Variants in CPEB2 observed in about 807,000 individuals in gnomAD.
CPEB2 encodes the protein cytoplasmic polyadenylation element binding protein 2.
A neutral mutation model predicts 93.6 loss-of-function variants in CPEB2; 56 were observed. That is an observed-to-expected ratio of 0.60 (90% CI 0.48 to 0.75). The LOEUF (loss-of-function observed/expected upper bound fraction) is 0.75. Ranked by LOEUF, CPEB2 falls within the 30% of genes least tolerant of loss-of-function variation. The pLI is 0.00. For synonymous variants in CPEB2, 764 were observed against 586.3 expected, an observed-to-expected ratio of 1.30 and a Z score of -4.38; for missense variants, 1,579 against 1,395.1, an observed-to-expected ratio of 1.13 and a Z score of -2.10.
At chr4:15,059,347 T>A (rs1266349456) in intron 10 of CPEB2, 46 bp downstream of exon 10, 2 of 1,204,370 alleles carry the variant, frequency 1.7e-6, no homozygotes. Context: ...CATTTAAATA[T>A]GTCCTAGTCA....
At position 15,003,154 on chromosome 4, in the gene CPEB2, T is replaced by TC. The variant is rs746753686; in HGVS notation, c.483dup (p.Ser162LeufsTer7). 6.5e-7 allele frequency: 1 copy of TC among 1,531,434 alleles called. No individual in the cohort carries two copies. The highest frequency in any genetic ancestry group is 1.2e-5 in the South Asian group (1 of 83,866). The allele number at this position is 1,531,434 out of a possible 1,614,324, so 94.9% of individuals were successfully genotyped here. ...CTCCTCCTGCTGCTGCTGCCGCACC[T>TC]CCTCCCCGCAGGACTTCAGTAAGCG... On this transcript the variant is annotated frameshift_variant, in exon 1 of 12. Coordinates refer to ENST00000538197, the MANE Select transcript of CPEB2 (RefSeq NM_001177382.2). LOFTEE classifies it high-confidence loss of function.
intron 4 of CPEB2, among the ~76,000 whole-genome samples, chr4:15,026,498 A>AT (rs1577401692): frequency 6.6e-6 from 1 of 152,182 alleles, no homozygotes; most frequent in East Asian, 1.9e-4. Context: ...AATGCTTGGG[A>AT]TTACAGGCCT....
chr4:15,003,467 CT>C lies in CPEB2; in HGVS notation c.795del (p.Ser267ArgfsTer41). ...PADLPPLPQL[P>X]PSPPAAPRRR... is the part of the protein sequence containing the mutation. Reference sequence around the variant, plus strand: ...GACCTGCCCCCGCTCCCGCAGCTCCCTCCCTCGCCGCCTGCAGCCCCGCGGC... The same window carrying C: ...GACCTGCCCCCGCTCCCGCAGCTCCCCCCTCGCCGCCTGCAGCCCCGCGGC... On this transcript the variant is annotated frameshift_variant, in exon 1 of 12. Transcript: ENST00000538197. LOFTEE classifies it high-confidence loss of function. The C allele has an allele frequency of 7.2e-7, 1 of 1,388,486 alleles. No individual in the cohort carries two copies. The highest frequency in any genetic ancestry group is 9.3e-7 in the Non-Finnish European group (1 of 1,077,166). The allele number at this position is 1,388,486 out of a possible 1,614,324, so 86.0% of individuals were successfully genotyped here.
chr4:15,069,916 T>TA lies in CPEB2; in HGVS notation c.*3541dup, dbSNP rs1026904616. On this transcript the variant is annotated 3_prime_UTR_variant, in exon 12 of 12. Coordinates refer to ENST00000538197, the MANE Select transcript of CPEB2 (RefSeq NM_001177382.2). ...AAGCCGTTTTTTATTTTTTTCTAAA[T>TA]AAAAAGAGAACCCATGCTTTTATGG... 1 of 152,134 alleles carries TA rather than the reference T, an allele frequency of 6.6e-6. No homozygotes were observed. The highest frequency in any genetic ancestry group is 1.5e-5 in the Non-Finnish European group (1 of 67,770). 9.4% of individuals were successfully genotyped at this position (152,134 alleles called of 1,614,324 possible). A position where few individuals can be genotyped will look rare whatever the true frequency, so the allele number is the denominator to read the frequency against.
intron 4 of CPEB2, among the ~76,000 whole-genome samples, chr4:15,020,706 AT>A (rs1724711269): frequency 6.6e-6 from 1 of 152,160 alleles, no homozygotes; most frequent in Admixed American, 6.6e-5. Flanking sequence ...ACTTTACTCA[AT>A]TAAGTGTGTC....
chr4:15,011,508 A>G (rs1723481747), intron 3 of CPEB2, among the ~76,000 whole-genome samples: 1 of 152,072 alleles, frequency 6.6e-6, no homozygotes, highest in African/African-American at 2.4e-5. Context: ...TCTAAATTAT[A>G]TTACAATGGA....
Position 15,003,675 on chromosome 4 carries a change from T to A in CPEB2, c.1002T>A (p.Leu334=). The A allele has an allele frequency of 6.9e-7, 1 of 1,457,216 alleles. No homozygotes were observed. The highest frequency in any genetic ancestry group is 9.0e-7 in the Non-Finnish European group (1 of 1,106,296). 90.3% of individuals were successfully genotyped at this position (1,457,216 alleles called of 1,614,324 possible). Reference sequence around the variant, plus strand: ...GTAACCTCCTGCCCGGAGGTGCGCTTGGCGCGGGCGCCTTCAGCAGCCTGC... The same window carrying A: ...GTAACCTCCTGCCCGGAGGTGCGCTAGGCGCGGGCGCCTTCAGCAGCCTGC... ...SPSNLLPGGA[L]GAGAFSSLQS... Residue 334 remains leucine, a synonymous_variant, in exon 1 of 12, where the codon CTT becomes CTA. Coordinates refer to ENST00000538197, the MANE Select transcript of CPEB2 (RefSeq NM_001177382.2).
Position 15,054,224 on chromosome 4 carries a change from A to G in CPEB2, c.2461+7A>G. The G allele has an allele frequency of 6.3e-7, 1 of 1,587,022 alleles. No homozygotes were observed. Among genetic ancestry groups the G allele is most frequent in the Non-Finnish European group, 8.6e-7 (1 of 1,160,324 alleles). On this transcript the variant is annotated splice_region_variant and intron_variant, in intron 8 of 11. Coordinates refer to ENST00000538197, the MANE Select transcript of CPEB2 (RefSeq NM_001177382.2). ...TCCTATTTTCCACCAAAAGGTAAGGATTGTTATTGTTAATATTTGCTAGGA... is the reference window on the plus strand; with the variant it reads ...TCCTATTTTCCACCAAAAGGTAAGGGTTGTTATTGTTAATATTTGCTAGGA...
At chr4:15,015,504 C>A (rs1307697480) in intron 3 of CPEB2, among the ~76,000 whole-genome samples, 1 of 152,014 alleles carries the variant, frequency 6.6e-6, no homozygotes, top group Non-Finnish European at 1.5e-5. Flanking sequence ...GTCTACAGTA[C>A]TGATTCTGAA....
intron 3 of CPEB2, among the ~76,000 whole-genome samples, chr4:15,015,502 T>C (rs1212589056): frequency 6.6e-6 from 1 of 152,050 alleles, no homozygotes; most frequent in Non-Finnish European, 1.5e-5. Context: ...TAGTCTACAG[T>C]ACTGATTCTG....
chr4:15,062,817 A>AAAT (rs1432681693), intron 11 of CPEB2, among the ~76,000 whole-genome samples: 1 of 152,116 alleles, frequency 6.6e-6, no homozygotes, highest in Admixed American at 6.6e-5. Context: ...CCTAAACTTA[A>AAAT]AATTTTTTTA....
chr4:15,002,987 C>T lies in CPEB2; in HGVS notation c.314C>T (p.Pro105Leu), dbSNP rs1451504547. The T allele has an allele frequency of 4.7e-6, 7 of 1,502,092 alleles. No individual in the cohort carries two copies. The highest frequency in any genetic ancestry group is 3.5e-6 in the Non-Finnish European group (4 of 1,136,368). 93.0% of individuals were successfully genotyped at this position (1,502,092 alleles called of 1,614,324 possible). The part of the protein sequence containing the change: ...DELLLGLTQQ[P>L]ARPLSGAAAT... ...CTGCTTCTGGGGCTGACACAGCAGCCGGCGCGGCCGCTTTCGGGGGCGGCG... is the reference window on the plus strand; with the variant it reads ...CTGCTTCTGGGGCTGACACAGCAGCTGGCGCGGCCGCTTTCGGGGGCGGCG... The change falls in exon 1 of 12, where the codon CCG becomes CTG. Residue 105 changes from proline (P) to leucine (L), a missense_variant. Coordinates refer to ENST00000538197, the MANE Select transcript of CPEB2 (RefSeq NM_001177382.2).
chr4:15,004,527 T>G (rs1419556029), intron 1 of CPEB2, among the ~76,000 whole-genome samples, 192 bp downstream of exon 1: 3 of 151,646 alleles, frequency 2.0e-5, no homozygotes, highest in Admixed American at 6.6e-5. Flanking sequence ...CCCCGGTGGG[T>G]TGGGAGGGCA....
At position 15,002,881 on chromosome 4, in the gene CPEB2, G is replaced by A. The variant is rs765120125; in HGVS notation, c.208G>A (p.Gly70Ser). The A allele has an allele frequency of 3.7e-4, 562 of 1,518,352 alleles. No individual in the cohort carries two copies. The highest frequency in any genetic ancestry group is 4.6e-4 in the Non-Finnish European group (530 of 1,142,132). 94.1% of individuals were successfully genotyped at this position (1,518,352 alleles called of 1,614,324 possible). ...EAASPFSVPL[G>S]GGAGSPAAAA... The stretch of plus-strand genomic sequence containing the variant: ...CGCCTCCCCCTTCTCCGTCCCCCTC[G>A]GCGGCGGCGCGGGCAGCCCGGCCGC... The change falls in exon 1 of 12, where the codon GGC (glycine) becomes AGC (serine). Residue 70 changes from glycine (G) to serine (S), a missense_variant. Physicochemically the swap from Gly to Ser is moderately conservative, Grantham distance 56. This residue lies in a region of CPEB2 where 1,411 missense variants were observed against 1,056.0 expected (regional missense o/e 1.34). Transcript: ENST00000538197.
At position 15,043,299 on chromosome 4, in the gene CPEB2, T is replaced by C. The variant is rs561890627; in HGVS notation, c.2200+2812T>C. Reference sequence around the variant, plus strand: ...TACTTTAGGAATAATCAAAATGTAATTATGCTAGTAGTAGTTAAGAAAAGC... The same window carrying C: ...TACTTTAGGAATAATCAAAATGTAACTATGCTAGTAGTAGTTAAGAAAAGC... On this transcript the variant is annotated intron_variant, in intron 6 of 11. Coordinates refer to ENST00000538197, the MANE Select transcript of CPEB2 (RefSeq NM_001177382.2). Among the ~76,000 whole-genome samples, 3 of 152,292 alleles carry C rather than the reference T, an allele frequency of 2.0e-5. No individual in the cohort carries two copies. The South Asian group carries it at 6.2e-4, about 32-fold the overall frequency.
At position 15,007,600 on chromosome 4, in the gene CPEB2, G is replaced by A; in HGVS notation, c.1944+14G>A. On this transcript the variant is annotated intron_variant, in intron 2 of 11. Transcript: ENST00000538197. ...TTACCCTTACAGGTAAGAATGGTAT[G>A]TAAATGACCTTATCTCTAATGTTAA... 6.6e-7 allele frequency: 1 copy of A among 1,505,286 alleles called. No homozygotes were observed. Among genetic ancestry groups the A allele is most frequent in the Non-Finnish European group, 9.0e-7 (1 of 1,110,630 alleles). The allele number at this position is 1,505,286 out of a possible 1,614,324, so 93.2% of individuals were successfully genotyped here. A position where few individuals can be genotyped will look rare whatever the true frequency, so the allele number is the denominator to read the frequency against.
In CPEB2 at chr4:15,033,164, G is replaced by T; in HGVS notation, c.2129G>T (p.Arg710Leu). Residue 710 changes from arginine (R) to leucine (L), a missense_variant, in exon 5 of 12, where the codon CGA becomes CTA. Transcript: ENST00000538197. ...CACCTTTCCTGTCTTTTTAAAGGTC[G>T]ATTGAGCTATCCACATCCAGGAACT... is the stretch of plus-strand genomic sequence containing the variant. ...MRAEHDPLKG[R>L]LSYPHPGTDN... The T allele has an allele frequency of 6.2e-7, 1 of 1,601,980 alleles. No homozygotes were observed.
intron 4 of CPEB2, among the ~76,000 whole-genome samples, chr4:15,023,801 T>A (rs887726923): frequency 6.6e-4 from 101 of 152,022 alleles, no homozygotes; most frequent in African/African-American, 2.0e-3. Flanking sequence ...ATGCTTGTGC[T>A]CCTATATTTC....
chr4:15,003,627 C>A lies in CPEB2; in HGVS notation c.954C>A (p.Asn318Lys). ...NPAPGSMESP[N>K]HPLLNSPSNL... ...CGCCGGGCTCCATGGAGTCCCCCAACCACCCTCTGCTCAACAGTCCCAGTA... is the reference window on the plus strand; with the variant it reads ...CGCCGGGCTCCATGGAGTCCCCCAAACACCCTCTGCTCAACAGTCCCAGTA... Residue 318 changes from asparagine (N) to lysine (K), a missense_variant, in exon 1 of 12, where the codon AAC (asparagine) becomes AAA (lysine). Around this residue, in one of 2 missense-constraint regions of CPEB2, gnomAD observed 1,411 missense variants for 1,056.0 expected, o/e 1.34. Coordinates refer to ENST00000538197, the MANE Select transcript of CPEB2 (RefSeq NM_001177382.2). 1 of 1,482,090 alleles carries A rather than the reference C, an allele frequency of 6.7e-7. No individual in the cohort carries two copies. The highest frequency in any genetic ancestry group is 8.9e-7 in the Non-Finnish European group (1 of 1,120,836). 91.8% of individuals were successfully genotyped at this position (1,482,090 alleles called of 1,614,324 possible). A position where few individuals can be genotyped will look rare whatever the true frequency, so the allele number is the denominator to read the frequency against.
Sources: allele counts gnomAD v4.1 joint callset (sites outside exome capture counted in the v4.1 genomes callset), GRCh38; gene constraint gnomAD v4.1.1; regional missense constraint gnomAD v4.1.1; transcripts MANE v1.5; gene names NCBI Gene and HGNC (gene_info 2026-07-23, HGNC 2026-07-21).